Variants in CASP10 observed in about 807,000 individuals in gnomAD.
CASP10 encodes the protein caspase-10.
Under a neutral mutation model 48.5 loss-of-function variants are expected in CASP10, and 41 were observed. The observed-to-expected ratio is 0.85, with a 90% CI of 0.66 to 1.10. CASP10 has a LOEUF of 1.10. Ranked by LOEUF, CASP10 falls within the 50% of genes least tolerant of loss-of-function variation. The pLI, the probability that CASP10 is intolerant of heterozygous loss-of-function variation, is 0.00. For synonymous variants in CASP10, 232 were observed against 238.4 expected, an observed-to-expected ratio of 0.97 and a Z score of 0.25; for missense variants, 614 against 614.5, an observed-to-expected ratio of 1.00 and a Z score of 0.01.
At chr2:201,228,861 C>T in intron 9 of CASP10, 2 of 1,405,286 alleles carry the variant, frequency 1.4e-6, no homozygotes, top group Non-Finnish European at 2.0e-6. Context: ...CGGGGTCCAG[C>T]CTCTCCAGGT....
At position 201,219,606 on chromosome 2, in the gene CASP10, T is replaced by C. The variant is rs1945670719; in HGVS notation, c.*1865T>C. Reference sequence around the variant, plus strand: ...TGTTCTCAGGATCACTGGGCTCTTCTTGGCAGAGGGGATGTCTGGCTTGCC... The same window carrying C: ...TGTTCTCAGGATCACTGGGCTCTTCCTGGCAGAGGGGATGTCTGGCTTGCC... On this transcript the variant is annotated 3_prime_UTR_variant, in exon 10 of 10. Coordinates refer to ENST00000286186, the MANE Select transcript of CASP10 (RefSeq NM_032977.4). 3.0e-6 allele frequency: 3 copies of C among 985,456 alleles called. No homozygotes were observed. Among genetic ancestry groups the C allele is most frequent in the Non-Finnish European group, 2.4e-6 (2 of 829,948 alleles). The allele number at this position is 985,456 out of a possible 1,614,324, so 61.0% of individuals were successfully genotyped here.
chr2:201,196,947 T>C (rs41343245), intron 5 of CASP10, among the ~76,000 whole-genome samples: 8,741 of 152,204 alleles, frequency 0.057, 333 homozygotes, highest in African/African-American at 0.11. Context: ...TGTTCGTTTG[T>C]GACTAGCTTA....
chr2:201,191,883 C>A (rs1417366256), intron 3 of CASP10, among the ~76,000 whole-genome samples: 1 of 152,186 alleles, frequency 6.6e-6, no homozygotes, highest in Admixed American at 6.5e-5. Context: ...TGAACTTACT[C>A]TTTAACAAAA....
chr2:201,216,672 C>T (rs2126060623), intron 9 of CASP10, among the ~76,000 whole-genome samples: 1 of 152,010 alleles, frequency 6.6e-6, no homozygotes, highest in South Asian at 2.1e-4. Flanking sequence ...AGTGCTTGAC[C>T]CAATATACAT....
chr2:201,200,721 A>T (rs1400125853), intron 5 of CASP10: 2 of 1,271,958 alleles, frequency 1.6e-6, no homozygotes, highest in Non-Finnish European at 2.0e-6. Flanking sequence ...AAGAAATGGT[A>T]ACACCTCCGC....
intron 5 of CASP10, 123 bp from the exon 6 acceptor site, chr2:201,203,607 C>G (rs1481936727): frequency 3.3e-6 from 3 of 909,512 alleles, no homozygotes; most frequent in Non-Finnish European, 5.5e-6. Flanking sequence ...GCAACCGGCC[C>G]AATGACCTTT....
intron 5 of CASP10, among the ~76,000 whole-genome samples, chr2:201,197,148 AT>A (rs1004057141): frequency 8.6e-5 from 13 of 151,746 alleles, no homozygotes; most frequent in Middle Eastern, 3.4e-3. Flanking sequence ...TTTATTTAAA[AT>A]TTTTTTTTAT....
At position 201,218,335 on chromosome 2, in the gene CASP10, C is replaced by T. The variant is rs1455437918; in HGVS notation, c.*594C>T. 1.0e-6 allele frequency: 1 copy of T among 991,326 alleles called. No homozygotes were observed. The highest frequency in any genetic ancestry group is 1.8e-5 in the African/African-American group (1 of 57,032). The allele number at this position is 991,326 out of a possible 1,614,324, so 61.4% of individuals were successfully genotyped here. Reference sequence around the variant, plus strand: ...GTACTTTTTCTTTGAGACAGAGTCACTCCGTCACCTGGGCTGGAGTGCAGT... The same window carrying T: ...GTACTTTTTCTTTGAGACAGAGTCATTCCGTCACCTGGGCTGGAGTGCAGT... On this transcript the variant is annotated 3_prime_UTR_variant, in exon 10 of 10. Coordinates refer to ENST00000286186, the MANE Select transcript of CASP10 (RefSeq NM_032977.4).
intron 9 of CASP10, among the ~76,000 whole-genome samples, chr2:201,227,307 A>G (rs908224144): frequency 5.3e-5 from 8 of 152,168 alleles, no homozygotes; most frequent in African/African-American, 1.9e-4. Flanking sequence ...CCTCTTGGGC[A>G]GAGTATGTTT....
chr2:201,189,687 A>G (rs1328932747), intron 3 of CASP10, among the ~76,000 whole-genome samples: 5 of 152,098 alleles, frequency 3.3e-5, no homozygotes, highest in African/African-American at 2.4e-5. Flanking sequence ...ATCTACTGCA[A>G]TTATTATCCT....
chr2:201,200,447 G>A (rs1419944797), intron 5 of CASP10: 2 of 1,598,270 alleles, frequency 1.3e-6, no homozygotes, highest in East Asian at 2.2e-5. Context: ...CCCCAGGAAG[G>A]TGTTTTTGTT....
At chr2:201,225,563 C>T (rs1945777211), downstream of CASP10, among the ~76,000 whole-genome samples, 2 of 152,204 alleles carry the variant, frequency 1.3e-5, no homozygotes, top group East Asian at 1.9e-4. Flanking sequence ...AGAGATATTT[C>T]CTGAGAAGCC....
rs527364250 is a variant in CASP10 at position 201,209,023 on chromosome 2, C to T, written c.923-47C>T. 1.9e-5 allele frequency: 30 copies of T among 1,577,648 alleles called. No homozygotes were observed. In the African/African-American group the frequency reaches 3.2e-4, roughly 17 times the overall value. The stretch of plus-strand genomic sequence containing the variant: ...GTTTTGCATCATTTTATTATTTCCC[C>T]TTTCTCTCTCTCTCTCTCTTTTTTT... On this transcript the variant is annotated intron_variant, in intron 8 of 9. Transcript: ENST00000286186.
At chr2:201,212,463 G>A (rs1285064586) in intron 9 of CASP10, 1 of 152,206 alleles carries the variant, frequency 6.6e-6, no homozygotes, top group Non-Finnish European at 1.5e-5. Flanking sequence ...AATGGAAGAA[G>A]GTTGGGGGTA....
rs559240772 is a variant in CASP10 at position 201,219,644 on chromosome 2, C to T, written c.*1903C>T. The T allele has an allele frequency of 3.0e-6, 3 of 984,260 alleles. No homozygotes were observed. In the East Asian group the frequency reaches 3.4e-4, roughly 112 times the overall value. 61.0% of individuals were successfully genotyped at this position (984,260 alleles called of 1,614,324 possible). On this transcript the variant is annotated 3_prime_UTR_variant, in exon 10 of 10. Transcript: ENST00000286186. ...TGTCTGGCTTGCCTGAAGGGAGTGGCTCTGTAAGGACGCCTTGATGCTTTC... is the reference window on the plus strand; with the variant it reads ...TGTCTGGCTTGCCTGAAGGGAGTGGTTCTGTAAGGACGCCTTGATGCTTTC...
At position 201,195,848 on chromosome 2, in the gene CASP10, A is replaced by T. The variant is rs1483509284; in HGVS notation, c.584A>T (p.Gln195Leu). The T allele has an allele frequency of 6.2e-7, 1 of 1,610,268 alleles. No individual in the cohort carries two copies. The highest frequency in any genetic ancestry group is 8.5e-7 in the Non-Finnish European group (1 of 1,176,688). The stretch of plus-strand genomic sequence containing the variant: ...TCTGTGATTTTATTTTCAGCTATCC[A>T]GATAGTGACACCTCCTGTAGACAAG... ...IEKYKREKAIQIVTPPVDKEA... is the reference protein window; with the variant it reads ...IEKYKREKAILIVTPPVDKEA... Residue 195 changes from glutamine to leucine, a missense_variant, in exon 5 of 10, where the codon CAG (glutamine) becomes CTG (leucine). Coordinates refer to ENST00000286186, the MANE Select transcript of CASP10 (RefSeq NM_032977.4).
downstream of CASP10, among the ~76,000 whole-genome samples, chr2:201,225,087 T>C (rs897262735): frequency 1.3e-5 from 2 of 152,126 alleles, no homozygotes; most frequent in Non-Finnish European, 2.9e-5. Context: ...GACAACCACC[T>C]CCCATCATTC....
At chr2:201,198,829 C>T (rs1020828144) in intron 5 of CASP10, among the ~76,000 whole-genome samples, 11 of 152,134 alleles carry the variant, frequency 7.2e-5, no homozygotes, top group Non-Finnish European at 1.6e-4. Flanking sequence ...CGTGAGCCAC[C>T]GCGCCCGGCC....
chr2:201,192,830 C>G (rs1488235427), intron 3 of CASP10, among the ~76,000 whole-genome samples, 154 bp from the exon 4 acceptor site: 1 of 152,082 alleles, frequency 6.6e-6, no homozygotes, highest in Admixed American at 6.6e-5. Flanking sequence ...CTTGGTAATG[C>G]CTCTTCCCCT....
Sources: allele counts gnomAD v4.1 joint callset (sites outside exome capture counted in the v4.1 genomes callset), GRCh38; gene constraint gnomAD v4.1.1; transcripts MANE v1.5; gene names NCBI Gene and HGNC (gene_info 2026-07-23, HGNC 2026-07-21).